XYLB: variants seen among roughly 807,000 people sequenced by gnomAD.
XYLB encodes the protein xylulose kinase.
Under a neutral mutation model 78.7 loss-of-function variants are expected in XYLB, and 62 were observed. The observed-to-expected ratio is 0.79, with a 90% confidence interval of 0.64 to 0.97. The LOEUF is 0.97. Ranked by LOEUF, XYLB falls within the 50% of genes least tolerant of loss-of-function variation. The pLI is 0.00. For missense variants in XYLB, 687 were observed against 676.8 expected (o/e 1.02, Z -0.17); for synonymous variants, 245 against 247.4 (o/e 0.99, Z 0.09).
intron 18 of XYLB, among the ~76,000 whole-genome samples, chr3:38,407,739 C>T (rs887133211): frequency 3.3e-5 from 5 of 151,948 alleles, no homozygotes; most frequent in African/African-American, 9.7e-5. Flanking sequence ...CAATCCTAGT[C>T]TCTGATAAAA....
rs555433182 is a variant in XYLB at position 38,398,029 on chromosome 3, A to G, written c.1438+870A>G. 1.2e-4 allele frequency among the ~76,000 whole-genome samples: 18 copies of G among 151,566 alleles called. No homozygotes were observed. In the South Asian group the frequency reaches 2.1e-3, roughly 18 times the overall value. ...GAGGAGGGGTTTCACTGTGTTAGCC[A>G]GGATGGTCTCGATCTCCTGACTTTG... On this transcript the variant is annotated intron_variant, in intron 17 of 18. Coordinates refer to ENST00000207870, the MANE Select transcript of XYLB (RefSeq NM_005108.4).
At chr3:38,379,367 G>A in intron 15 of XYLB, 25 bp downstream of exon 15, 2 of 1,612,382 alleles carry the variant, frequency 1.2e-6, no homozygotes, top group Non-Finnish European at 1.7e-6. Flanking sequence ...GGCAGCATGT[G>A]TCCCGGGGTG....
In XYLB at chr3:38,372,730, A is replaced by G. The variant is rs1403847939; in HGVS notation, c.841A>G (p.Asn281Asp). 5.0e-6 allele frequency: 8 copies of G among 1,614,028 alleles called. No homozygotes were observed. The highest frequency in any genetic ancestry group is 6.8e-6 in the Non-Finnish European group (8 of 1,179,986). Residue 281 changes from asparagine to aspartate, a missense_variant, in exon 10 of 19, where the codon AAC (asparagine) becomes GAC (aspartate). Transcript: ENST00000207870. ...GCKVVAFTGD[N>D]PASLAGMRLE... ...CAAAGTGGTGGCCTTCACTGGGGAC[A>G]ACCCAGGTGAGTATCTCGGGGAGTT...
intron 3 of XYLB, among the ~76,000 whole-genome samples, 178 bp from the exon 4 acceptor site, chr3:38,362,759 G>A (rs1706041895): frequency 6.6e-6 from 1 of 152,154 alleles, no homozygotes; most frequent in Non-Finnish European, 1.5e-5. Flanking sequence ...TTATTTGATT[G>A]ATGCCTACTT....
intron 15 of XYLB, among the ~76,000 whole-genome samples, chr3:38,388,174 T>G (rs818829): frequency 0.036 from 1,346 of 37,548 alleles, 12 homozygotes; most frequent in African/African-American, 0.065. Flanking sequence ...TTTTTGTTTT[T>G]TTTTTTTTTT....
At chr3:38,441,034 C>G in the XYLB span, among the ~76,000 whole-genome samples, 1 of 151,880 alleles carries the variant, frequency 6.6e-6, no homozygotes, top group African/African-American at 2.4e-5. Context: ...TTCTGCTGGT[C>G]TTTCCCTGCC....
intron 3 of XYLB, among the ~76,000 whole-genome samples, chr3:38,362,461 C>G (rs1165472447): frequency 6.6e-6 from 1 of 152,136 alleles, no homozygotes; most frequent in African/African-American, 2.4e-5. Context: ...TGGTCTTGAA[C>G]TCCTGAGCTC....
the XYLB span, among the ~76,000 whole-genome samples, chr3:38,431,269 C>T: frequency 0.42 from 64,380 of 151,970 alleles, 15,911 homozygotes; most frequent in Non-Finnish European, 0.57. Flanking sequence ...AGGTCCTTCA[C>T]GTCCCTTGGA....
chr3:38,393,176 G>T (rs1707740342), intron 15 of XYLB, among the ~76,000 whole-genome samples: 1 of 151,624 alleles, frequency 6.6e-6, no homozygotes, highest in African/African-American at 2.4e-5. Flanking sequence ...TTGGAGACAG[G>T]GTCTCACTTT....
chr3:38,412,817 C>T (rs1382986515), intron 18 of XYLB, 119 bp from the exon 19 acceptor site: 3 of 814,274 alleles, frequency 3.7e-6, no homozygotes, highest in Non-Finnish European at 5.8e-6. Flanking sequence ...CTTTCTTTCG[C>T]CCAGAAAAAA....
intron 15 of XYLB, among the ~76,000 whole-genome samples, chr3:38,392,196 C>T (rs542379526): frequency 3.3e-5 from 5 of 152,332 alleles, no homozygotes; most frequent in African/African-American, 1.2e-4. Context: ...ATATCCCCAC[C>T]AACACTTAAC....
At chr3:38,431,307 T>A in the XYLB span, among the ~76,000 whole-genome samples, 6 of 152,288 alleles carry the variant, frequency 3.9e-5, no homozygotes, top group East Asian at 1.9e-4. Context: ...TTTCTCTTTG[T>A]AGCAATTGTG....
At chr3:38,405,724 G>C (rs189546348) in intron 18 of XYLB, among the ~76,000 whole-genome samples, 1 of 152,362 alleles carries the variant, frequency 6.6e-6, no homozygotes, top group African/African-American at 2.4e-5. Context: ...GGCGCACCAG[G>C]AGATTATATC....
At chr3:38,350,904 G>A (rs1705321562) in intron 2 of XYLB, among the ~76,000 whole-genome samples, 1 of 151,916 alleles carries the variant, frequency 6.6e-6, no homozygotes, top group South Asian at 2.1e-4. Flanking sequence ...CACTTTGGGA[G>A]GCTGAAGCAG....
intron 6 of XYLB, 33 bp from the exon 7 acceptor site, chr3:38,366,775 T>C (rs1706285441): frequency 1.4e-6 from 2 of 1,463,164 alleles, no homozygotes; most frequent in Non-Finnish European, 1.9e-6. Flanking sequence ...TGTGTAGGAT[T>C]TGGGTTCCTA....
downstream of XYLB, among the ~76,000 whole-genome samples, chr3:38,416,314 A>T (rs574626150): frequency 2.0e-5 from 3 of 152,306 alleles, no homozygotes; most frequent in East Asian, 5.8e-4. Flanking sequence ...GTAAGGAAAA[A>T]GGGAGATTTA....
intron 14 of XYLB, among the ~76,000 whole-genome samples, chr3:38,378,520 T>A (rs1706981603): frequency 6.6e-6 from 1 of 151,886 alleles, no homozygotes; most frequent in African/African-American, 2.4e-5. Flanking sequence ...TTACCCTGGG[T>A]GGGGTGATCA....
At chr3:38,409,119 T>C (rs1392593294) in intron 18 of XYLB, among the ~76,000 whole-genome samples, 1 of 152,222 alleles carries the variant, frequency 6.6e-6, no homozygotes, top group African/African-American at 2.4e-5. Flanking sequence ...TTGATGAGCA[T>C]TGATGCAAAA....
intron 17 of XYLB, among the ~76,000 whole-genome samples, chr3:38,397,531 G>T (rs1338579788): frequency 6.6e-6 from 1 of 152,130 alleles, no homozygotes; most frequent in Non-Finnish European, 1.5e-5. Context: ...AAGAACAGAA[G>T]TTGAAACAAA....
Sources: allele counts gnomAD v4.1 joint callset (sites outside exome capture counted in the v4.1 genomes callset), GRCh38; gene constraint gnomAD v4.1.1; transcripts MANE v1.5; gene names NCBI Gene and HGNC (gene_info 2026-07-23, HGNC 2026-07-21).